Variants in EPHA4 observed in about 807,000 individuals in gnomAD.
EPHA4 encodes ephrin type-A receptor 4.
EPHA4 carries 19 observed loss-of-function variants against 108.3 expected under a neutral mutation model. That is an observed-to-expected ratio of 0.18 (90% CI 0.12 to 0.26). The LOEUF is 0.26. Ranked by LOEUF, EPHA4 falls within the 10% of genes least tolerant of loss-of-function variation. The pLI, the probability that EPHA4 is intolerant of heterozygous loss-of-function variation, is 1.00. For synonymous variants in EPHA4, 449 were observed against 455.5 expected (o/e 0.99, Z 0.18); for missense variants, 917 against 1,254.0 (o/e 0.73, Z 4.06).
At chr2:221,486,617 C>T (rs1255067123) in intron 4 of EPHA4, among the ~76,000 whole-genome samples, 1 of 151,736 alleles carries the variant, frequency 6.6e-6, no homozygotes, top group Admixed American at 6.6e-5. Flanking sequence ...GTCTGTAGTC[C>T]CAGCTACTTG....
chr2:221,423,533 T>C (rs1369618930), intron 17 of EPHA4, among the ~76,000 whole-genome samples: 1 of 152,214 alleles, frequency 6.6e-6, no homozygotes, highest in Admixed American at 6.5e-5. Flanking sequence ...TTTTGAAGAT[T>C]CAGACGGTGA....
At chr2:221,438,413 T>G (rs1326310546) in intron 11 of EPHA4, among the ~76,000 whole-genome samples, 1 of 152,164 alleles carries the variant, frequency 6.6e-6, no homozygotes, top group African/African-American at 2.4e-5. Context: ...TGCTTTGTTT[T>G]GTTTTTTCTA....
chr2:221,455,808 T>A, intron 7 of EPHA4, 150 bp from the exon 8 acceptor site: 1 of 630,798 alleles, frequency 1.6e-6, no homozygotes, highest in Non-Finnish European at 2.8e-6. Context: ...TGAATGTACC[T>A]CCTTCCCCGA....
chr2:221,509,380 G>T (rs541586047), intron 3 of EPHA4, among the ~76,000 whole-genome samples: 1 of 152,284 alleles, frequency 6.6e-6, no homozygotes, highest in East Asian at 1.9e-4. Flanking sequence ...GTTATTTCGA[G>T]ATTTTTTTGT....
intron 8 of EPHA4, among the ~76,000 whole-genome samples, chr2:221,451,989 T>C (rs1352229780): frequency 6.6e-6 from 1 of 152,166 alleles, no homozygotes; most frequent in African/African-American, 2.4e-5. Flanking sequence ...AATGAAACAA[T>C]TGCTATAAAA....
At chr2:221,569,088 T>C (rs1574668375) in intron 1 of EPHA4, among the ~76,000 whole-genome samples, 1 of 152,196 alleles carries the variant, frequency 6.6e-6, no homozygotes, top group Non-Finnish European at 1.5e-5. Context: ...AAAAGATAAA[T>C]ACATCTATGT....
chr2:221,436,133 G>T (rs895231743), intron 13 of EPHA4, among the ~76,000 whole-genome samples: 1 of 151,562 alleles, frequency 6.6e-6, no homozygotes, highest in Non-Finnish European at 1.5e-5. Flanking sequence ...TCTTCCCCCT[G>T]CCCTCCCAAA....
At position 221,504,441 on chromosome 2, in the gene EPHA4, G is replaced by A. The variant is rs1293132864; in HGVS notation, c.824-3269C>T. On this transcript the variant is annotated intron_variant, in intron 3 of 17. Coordinates refer to ENST00000281821, the MANE Select transcript of EPHA4 (RefSeq NM_004438.5). ...AAAGTCGAATTTTAAGATAGTCTTG[G>A]TAACGTAGTATCTTCTGGATTTTTG... Among the ~76,000 whole-genome samples the A allele has an allele frequency of 3.3e-5, 5 of 151,992 alleles. No homozygotes were observed. The South Asian group carries it at 8.3e-4, about 25-fold the overall frequency.
intron 12 of EPHA4, among the ~76,000 whole-genome samples, chr2:221,436,810 T>C (rs1343436861): frequency 2.0e-5 from 3 of 152,316 alleles, no homozygotes; most frequent in East Asian, 1.9e-4. Context: ...CTGTGATAGA[T>C]GGAAATTATC....
At chr2:221,548,258 G>C (rs971925976) in intron 3 of EPHA4, among the ~76,000 whole-genome samples, 1 of 152,128 alleles carries the variant, frequency 6.6e-6, no homozygotes, top group African/African-American at 2.4e-5. Context: ...TTGGGAGGCT[G>C]AGGCAGGGGA....
rs768620299 is a variant in EPHA4, at chr2:221,430,137, A to G, written c.2511T>C (p.Ile837=). 1.9e-5 allele frequency: 30 copies of G among 1,607,608 alleles called. No individual in the cohort carries two copies. Among genetic ancestry groups the G allele is most frequent in the Non-Finnish European group, 2.4e-5 (28 of 1,177,794 alleles). ...GAGGGGGTAACCGATAGCCTTCCTC[A>G]ATGGCTTTAATCACCTATGGAAGAC... is the stretch of plus-strand genomic sequence containing the variant. ...DMSNQDVIKA[I]EEGYRLPPPM... The change falls in exon 15 of 18, where the codon ATT becomes ATC. Residue 837 remains isoleucine (I), a synonymous_variant. Coordinates refer to ENST00000281821, the MANE Select transcript of EPHA4 (RefSeq NM_004438.5).
chr2:221,442,935 T>C lies in EPHA4; in HGVS notation c.1968A>G (p.Lys656=), dbSNP rs768761058. ...REICVAIKTL[K]AGYTDKQRRD... ...TCCTCTGTTTGTCTGTATAACCAGC[T>C]TTCAGAGTCTTGATAGCCACACAGA... The change falls in exon 11 of 18, where the codon AAA becomes AAG. Residue 656 remains lysine (K), a synonymous_variant. Coordinates refer to ENST00000281821, the MANE Select transcript of EPHA4 (RefSeq NM_004438.5). 7 of 1,614,164 alleles carry C rather than the reference T, an allele frequency of 4.3e-6. No homozygotes were observed. Among genetic ancestry groups the C allele is most frequent in the Non-Finnish European group, 5.9e-6 (7 of 1,180,018 alleles).
At chr2:221,429,894 C>T in intron 15 of EPHA4, 64 bp downstream of exon 15, 1 of 1,566,930 alleles carries the variant, frequency 6.4e-7, no homozygotes, top group Non-Finnish European at 8.7e-7. Context: ...TTAAGTGAGT[C>T]ACCACTTGCC....
chr2:221,498,141 G>A (rs1692358009), intron 4 of EPHA4, among the ~76,000 whole-genome samples: 1 of 152,122 alleles, frequency 6.6e-6, no homozygotes, highest in South Asian at 2.1e-4. Context: ...AAAGTGATGG[G>A]CACATGGTCC....
At chr2:221,545,543 A>G (rs1024083944) in intron 3 of EPHA4, among the ~76,000 whole-genome samples, 3 of 152,180 alleles carry the variant, frequency 2.0e-5, no homozygotes, top group African/African-American at 7.2e-5. Context: ...AGCCGTTTAT[A>G]TATTCTACTT....
intron 5 of EPHA4, among the ~76,000 whole-genome samples, chr2:221,472,449 T>C (rs1691517597): frequency 1.3e-5 from 2 of 152,150 alleles, no homozygotes; most frequent in East Asian, 3.9e-4. Flanking sequence ...TTACCCAAGC[T>C]TGGAACACAC....
intron 3 of EPHA4, among the ~76,000 whole-genome samples, chr2:221,538,892 G>A (rs368937067): frequency 6.6e-6 from 1 of 152,272 alleles, no homozygotes; most frequent in Non-Finnish European, 1.5e-5. Flanking sequence ...GGCGTGCAAT[G>A]ACTGAATAGG....
intron 4 of EPHA4, among the ~76,000 whole-genome samples, chr2:221,488,865 G>A (rs1255361852): frequency 6.6e-6 from 1 of 152,156 alleles, no homozygotes; most frequent in Non-Finnish European, 1.5e-5. Context: ...AAGCATAAAA[G>A]AAAATTCCAG....
intron 14 of EPHA4, among the ~76,000 whole-genome samples, chr2:221,432,149 A>G (rs1031404451): frequency 1.1e-4 from 17 of 149,746 alleles, no homozygotes; most frequent in Non-Finnish European, 1.9e-4. Flanking sequence ...ATATGTGTGT[A>G]TATATATATA....
Sources: gnomAD v4.1 joint callset for allele counts (sites outside exome capture counted in the v4.1 genomes callset) on GRCh38, gnomAD v4.1.1 for gene constraint, MANE v1.5 for transcripts, NCBI Gene and HGNC (gene_info 2026-07-23, HGNC 2026-07-21) for gene names.